The following SLC4A4 variants were observed in gnomAD, a reference collection of about 807,000 sequenced individuals.
SLC4A4 encodes the protein solute carrier family 4 member 4.
SLC4A4 carries 27 observed loss-of-function variants against 111.5 expected under a neutral mutation model. The observed-to-expected ratio is 0.24, with a 90% CI of 0.18 to 0.33. SLC4A4 has a LOEUF of 0.33. Ranked by LOEUF, SLC4A4 falls within the 10% of genes least tolerant of loss-of-function variation. The probability of loss-of-function intolerance (pLI) is 1.00; values close to 1 mark genes in which losing one functional copy is unlikely to be tolerated. For missense variants in SLC4A4, 909 were observed against 1,315.5 expected, an observed-to-expected ratio of 0.69 and a Z score of 4.78; for synonymous variants, 443 against 463.4, an observed-to-expected ratio of 0.96 and a Z score of 0.57.
intron 14 of SLC4A4, among the ~76,000 whole-genome samples, chr4:71,475,414 T>G (rs1414430485): frequency 6.6e-6 from 1 of 151,716 alleles, no homozygotes; most frequent in East Asian, 1.9e-4. Flanking sequence ...AGGATCTTTG[T>G]TTTTTTTGAA....
intron 9 of SLC4A4, among the ~76,000 whole-genome samples, chr4:71,448,792 T>G (rs1324817792): frequency 6.6e-6 from 1 of 152,154 alleles, no homozygotes. Flanking sequence ...TGTCGGTTTT[T>G]CTGTGTGTTA....
chr4:71,243,136 A>G (rs1419712169), intron 2 of SLC4A4, among the ~76,000 whole-genome samples: 1 of 152,202 alleles, frequency 6.6e-6, no homozygotes, highest in African/African-American at 2.4e-5. Context: ...AAAGCCTGCA[A>G]TGTTGCTTCA....
intron 23 of SLC4A4, among the ~76,000 whole-genome samples, chr4:71,562,784 A>AT (rs1029208597): frequency 1.9e-4 from 29 of 149,644 alleles, no homozygotes; most frequent in African/African-American, 3.7e-4. Flanking sequence ...TGGCATCTTT[A>AT]TTTTTTTTTC....
At chr4:71,182,177 T>C (rs967203367) in intron 2 of SLC4A4, among the ~76,000 whole-genome samples, 4 of 152,218 alleles carry the variant, frequency 2.6e-5, no homozygotes, top group Non-Finnish European at 5.9e-5. Context: ...ATTGGTTGAC[T>C]GAATGGATGA....
In SLC4A4 at chr4:71,473,170, G is replaced by A. The variant is rs377554516; in HGVS notation, c.1903+200G>A. Reference sequence around the variant, plus strand: ...ATGATTCAACCAGGAAGGAGACCAGGAGCTCTGGAATGTGAACATAACCAA... The same window carrying A: ...ATGATTCAACCAGGAAGGAGACCAGAAGCTCTGGAATGTGAACATAACCAA... On this transcript the variant is annotated intron_variant, in intron 14 of 25. Coordinates refer to ENST00000264485, the MANE Select transcript of SLC4A4 (RefSeq NM_001098484.3). 2.4e-5 allele frequency: 17 copies of A among 709,652 alleles called. No individual in the cohort carries two copies. The African/African-American group carries it at 2.8e-4, about 12-fold the overall frequency. The allele number at this position is 709,652 out of a possible 1,614,324, so 44.0% of individuals were successfully genotyped here.
At chr4:71,358,129 A>G (rs934821606) in intron 6 of SLC4A4, among the ~76,000 whole-genome samples, 12 of 152,206 alleles carry the variant, frequency 7.9e-5, no homozygotes, top group Non-Finnish European at 1.5e-4. Flanking sequence ...CCTGGCTAAC[A>G]TGGCGAAACC....
chr4:71,440,886 G>A, intron 8 of SLC4A4, 113 bp downstream of exon 8: 1 of 1,220,908 alleles, frequency 8.2e-7, no homozygotes, highest in South Asian at 1.2e-5. Flanking sequence ...CATTGGAGAG[G>A]TTTAACTTGA....
At chr4:71,331,162 A>C (rs914914990) in intron 3 of SLC4A4, among the ~76,000 whole-genome samples, 20 of 152,222 alleles carry the variant, frequency 1.3e-4, no homozygotes, top group Non-Finnish European at 7.3e-5. Context: ...CCATTGTGGA[A>C]GACAGTGTGG....
intron 2 of SLC4A4, among the ~76,000 whole-genome samples, chr4:71,175,513 G>A (rs549638096): frequency 1.2e-4 from 18 of 152,342 alleles, no homozygotes; most frequent in African/African-American, 3.1e-4. Flanking sequence ...CTTAGCAAAC[G>A]GCACACCAGG....
intron 24 of SLC4A4, among the ~76,000 whole-genome samples, chr4:71,566,543 G>A (rs566752834): frequency 6.6e-6 from 1 of 151,830 alleles, no homozygotes; most frequent in East Asian, 2.0e-4. Context: ...CATTTTGCCT[G>A]AAATGTTTCC....
intron 6 of SLC4A4, among the ~76,000 whole-genome samples, chr4:71,357,677 A>G (rs1730408349): frequency 6.6e-6 from 1 of 152,202 alleles, no homozygotes; most frequent in Non-Finnish European, 1.5e-5. Flanking sequence ...CTAAGCCTCC[A>G]TATTATTTTT....
chr4:71,475,755 C>A (rs1298754058), intron 14 of SLC4A4, among the ~76,000 whole-genome samples: 1 of 151,820 alleles, frequency 6.6e-6, no homozygotes, highest in Non-Finnish European at 1.5e-5. Flanking sequence ...TAGTACCTAC[C>A]TTATAGATTT....
intron 18 of SLC4A4, among the ~76,000 whole-genome samples, chr4:71,542,057 A>T (rs931251880): frequency 6.6e-6 from 1 of 152,082 alleles, no homozygotes; most frequent in Admixed American, 6.6e-5. Flanking sequence ...CTTCTCTGAC[A>T]TAACCATTTG....
chr4:71,454,435 G>C lies in SLC4A4; in HGVS notation c.1497+766G>C, dbSNP rs1440734381. On this transcript the variant is annotated intron_variant, in intron 12 of 25. Transcript: ENST00000264485. ...GTGATGAATACGAGTAGTGAATGAA[G>C]TTATATTCCTATGAAAAGGACCAGA... is the stretch of plus-strand genomic sequence containing the variant. Among the ~76,000 whole-genome samples the C allele has an allele frequency of 2.6e-5, 4 of 152,250 alleles. No individual in the cohort carries two copies. In the East Asian group the frequency reaches 7.7e-4, roughly 29 times the overall value.
chr4:71,436,589 A>G (rs1385671075), intron 7 of SLC4A4, among the ~76,000 whole-genome samples: 1 of 152,188 alleles, frequency 6.6e-6, no homozygotes, highest in African/African-American at 2.4e-5. Context: ...ATAGTAAAAC[A>G]TGACTAGATT....
At chr4:71,096,182 G>C (rs985591108) in intron 2 of SLC4A4, among the ~76,000 whole-genome samples, 1 of 152,080 alleles carries the variant, frequency 6.6e-6, no homozygotes, top group Non-Finnish European at 1.5e-5. Flanking sequence ...ATAGGAACAA[G>C]GATTGACTGA....
chr4:71,332,467 C>T (rs1190541529), intron 3 of SLC4A4, among the ~76,000 whole-genome samples: 13 of 140,578 alleles, frequency 9.2e-5, no homozygotes, highest in Non-Finnish European at 1.8e-4. Context: ...TTTTTTGAGA[C>T]GGAGTCTCGT....
Position 71,107,985 on chromosome 4 carries a change from C to T in SLC4A4, c.-2+15193C>T, listed in dbSNP as rs564212704. On this transcript the variant is annotated intron_variant, in intron 2 of 26. Coordinates refer to the SLC4A4 transcript ENST00000649996. Reference sequence around the variant, plus strand: ...TGGTTACCATGGGTGTTACATTTAACATCCTGAAGTTATAACACTCTAATT... The same window carrying T: ...TGGTTACCATGGGTGTTACATTTAATATCCTGAAGTTATAACACTCTAATT... Among the ~76,000 whole-genome samples, 196 of 152,262 alleles carry T rather than the reference C, an allele frequency of 1.3e-3. 1 individual carries two copies. The highest frequency in any genetic ancestry group is 4.6e-3 in the African/African-American group (191 of 41,544).
chr4:71,136,830 G>A lies in SLC4A4; in HGVS notation c.-2+44038G>A, dbSNP rs549032546. Among the ~76,000 whole-genome samples the A allele has an allele frequency of 1.6e-4, 25 of 152,008 alleles. No individual in the cohort carries two copies. The South Asian group carries it at 4.8e-3, about 29-fold the overall frequency. The stretch of plus-strand genomic sequence containing the variant: ...TAACAGCAATAGCATTTTTTTTGGT[G>A]CAACTTAGTATAAGGTTGGCACAGT... On this transcript the variant is annotated intron_variant, in intron 2 of 26. Transcript: ENST00000649996.
Sources: allele counts gnomAD v4.1 joint callset (sites outside exome capture counted in the v4.1 genomes callset), GRCh38; gene constraint gnomAD v4.1.1; transcripts MANE v1.5; gene names NCBI Gene and HGNC (gene_info 2026-07-23, HGNC 2026-07-21).